Variants in RTEL1 observed in about 807,000 individuals in gnomAD.
RTEL1 encodes regulator of telomere elongation helicase 1.
In RTEL1, 86 loss-of-function variants were observed where a neutral mutation model predicts 162.2. That is an observed-to-expected ratio of 0.53 (90% CI 0.45 to 0.63). RTEL1 has a LOEUF of 0.63. Among genes scored for constraint, RTEL1 ranks in the 30% least tolerant of loss-of-function variants. RTEL1 has a pLI of 0.00. For synonymous variants in RTEL1, 958 were observed against 717.9 expected (o/e 1.33, Z -5.35); for missense variants, 1,941 against 1,750.2 (o/e 1.11, Z -1.95).
At chr20:63,663,886 C>T (rs748611689) in intron 6 of RTEL1, among the ~76,000 whole-genome samples, 5 of 152,176 alleles carry the variant, frequency 3.3e-5, no homozygotes, top group Non-Finnish European at 5.9e-5. Context: ...AGAGACTGAG[C>T]CAGGTGGTCC....
Position 63,695,383 on chromosome 20 carries a change from T to C in RTEL1, c.3555T>C (p.Leu1185=), listed in dbSNP as rs763765436. 6.4e-7 allele frequency: 1 copy of C among 1,554,348 alleles called. No homozygotes were observed. The highest frequency in any genetic ancestry group is 1.9e-5 in the Admixed American group (1 of 53,774). ...CCCAGAGCAAGATCTCGTCCTTCCT[T>C]AGACAGAGGCCAGCAGGGACTGTGG... ...GKTQSKISSF[L]RQRPAGTVGA... Residue 1185 remains leucine (L), a synonymous_variant, in exon 34 of 35, where the codon CTT becomes CTC. Transcript: ENST00000360203.
chr20:63,691,866 G>A (rs547480883), intron 28 of RTEL1, 29 bp downstream of exon 28: 16 of 1,575,236 alleles, frequency 1.0e-5, no homozygotes, highest in South Asian at 5.5e-5. Context: ...CACCTGTGCC[G>A]ACCACCATAG....
chr20:63,692,544 G>C (rs978382229), intron 28 of RTEL1: 7 of 552,502 alleles, frequency 1.3e-5, no homozygotes, highest in African/African-American at 1.1e-4. Context: ...GCTTGAGGCA[G>C]AGCCAATCTA....
chr20:63,691,973 T>C (rs970481172), intron 28 of RTEL1, 136 bp downstream of exon 28: 1 of 641,128 alleles, frequency 1.6e-6, no homozygotes, highest in East Asian at 2.8e-5. Context: ...AGGGCAGCTG[T>C]GATGCTGACG....
intron 2 of RTEL1, among the ~76,000 whole-genome samples, chr20:63,660,230 C>T (rs6089760): frequency 6.6e-6 from 1 of 152,230 alleles, no homozygotes; most frequent in Non-Finnish European, 1.5e-5. Context: ...AGAGGCTTTC[C>T]TCTTTTACTA....
At chr20:63,675,644 G>T (rs940880881) in intron 10 of RTEL1, among the ~76,000 whole-genome samples, 2 of 152,118 alleles carry the variant, frequency 1.3e-5, no homozygotes, top group Non-Finnish European at 2.9e-5. Flanking sequence ...GTCTTAAAGC[G>T]CCGGGACCAC....
intron 2 of RTEL1, chr20:63,660,946 G>A (rs2090007584): frequency 3.8e-6 from 1 of 264,906 alleles, no homozygotes; most frequent in Non-Finnish European, 7.4e-6. Context: ...TATGTAGGAC[G>A]TCAGATAGGA....
chr20:63,688,715 C>T (rs1226127859), intron 21 of RTEL1, 110 bp downstream of exon 21: 15 of 966,846 alleles, frequency 1.6e-5, no homozygotes, highest in Admixed American at 7.4e-5. Context: ...CGGCGGCTCC[C>T]GCTGCCTCTT....
chr20:63,690,139 G>C lies in RTEL1; in HGVS notation c.2194G>C (p.Val732Leu). The C allele has an allele frequency of 6.2e-7, 1 of 1,612,520 alleles. No individual in the cohort carries two copies. The highest frequency in any genetic ancestry group is 8.5e-7 in the Non-Finnish European group (1 of 1,179,856). Residue 732 changes from valine (V) to leucine (L), a missense_variant, in exon 25 of 35, where the codon GTC (valine) becomes CTC (leucine). Coordinates refer to ENST00000360203, the MANE Select transcript of RTEL1 (RefSeq NM_001283009.2). ...ACTGCCCTCCTGGGTGCGTCCCCAC[G>C]TCAGGGTGTATGACAACTTTGGCCA... ...AQLPSWVRPH[V>L]RVYDNFGHVI... is the part of the protein sequence containing the mutation.
intron 7 of RTEL1, among the ~76,000 whole-genome samples, chr20:63,667,087 C>G (rs915995689): frequency 1.3e-5 from 2 of 152,214 alleles, no homozygotes; most frequent in South Asian, 4.1e-4. Flanking sequence ...GATCCGCCCA[C>G]CTCGGCCTCC....
intron 14 of RTEL1, chr20:63,680,989 C>T (rs574574194): frequency 1.4e-5 from 14 of 985,280 alleles, no homozygotes; most frequent in African/African-American, 1.7e-5. Flanking sequence ...GCCGGGGAGC[C>T]GCTCCTGCCC....
intron 7 of RTEL1, 27 bp from the exon 8 acceptor site, chr20:63,667,442 C>G: frequency 6.3e-7 from 1 of 1,590,070 alleles, no homozygotes; most frequent in East Asian, 2.2e-5. Flanking sequence ...GGGGTGCTCA[C>G]AGGATCTTCT....
At chr20:63,692,343 G>T (rs868849690) in intron 28 of RTEL1, 2 of 230,094 alleles carry the variant, frequency 8.7e-6, no homozygotes, top group Non-Finnish European at 1.7e-5. Context: ...GAGGGCCTGG[G>T]TGGGGAGTGC....
chr20:63,689,676 T>C (rs1452335096), intron 23 of RTEL1, 28 bp downstream of exon 23: 1 of 1,606,576 alleles, frequency 6.2e-7, no homozygotes, highest in Non-Finnish European at 8.5e-7. Flanking sequence ...GGGGCTGGGG[T>C]AAGGCGGTCT....
At chr20:63,666,346 C>T (rs913467826) in intron 7 of RTEL1, among the ~76,000 whole-genome samples, 6 of 152,232 alleles carry the variant, frequency 3.9e-5, no homozygotes, top group African/African-American at 7.2e-5. Context: ...CGGAAGCACG[C>T]GCAGTTTTGT....
At chr20:63,684,759 C>T (rs575573599) in intron 14 of RTEL1, among the ~76,000 whole-genome samples, 1 of 152,280 alleles carries the variant, frequency 6.6e-6, no homozygotes, top group East Asian at 1.9e-4. Context: ...GGGTGTGAGC[C>T]ACCACGCCCG....
intron 4 of RTEL1, among the ~76,000 whole-genome samples, chr20:63,662,189 C>T (rs59786356): frequency 8.7e-4 from 133 of 152,320 alleles, no homozygotes; most frequent in African/African-American, 3.1e-3. Context: ...CTGAGCTCCT[C>T]GCAGGTGCTG....
At chr20:63,691,205 C>T (rs2090733069) in intron 27 of RTEL1, among the ~76,000 whole-genome samples, 1 of 152,190 alleles carries the variant, frequency 6.6e-6, no homozygotes, top group Non-Finnish European at 1.5e-5. Flanking sequence ...CTTTGGTTCT[C>T]TGGCGGGTCA....
chr20:63,691,003 C>A, intron 27 of RTEL1, 56 bp downstream of exon 27: 1 of 1,483,114 alleles, frequency 6.7e-7, no homozygotes, highest in South Asian at 1.3e-5. Flanking sequence ...GAGGCCAACC[C>A]GACCCCGCCC....
Sources: gnomAD v4.1 joint callset for allele counts (sites outside exome capture counted in the v4.1 genomes callset) on GRCh38, gnomAD v4.1.1 for gene constraint, MANE v1.5 for transcripts, NCBI Gene and HGNC (gene_info 2026-07-23, HGNC 2026-07-21) for gene names.